Variants in KCNB2 observed in about 807,000 individuals in gnomAD.
The protein encoded by KCNB2 is delayed rectifier potassium channel protein.
KCNB2 carries 15 observed loss-of-function variants against 61.5 expected under a neutral mutation model. The ratio of observed to expected loss-of-function variants is 0.24; its 90% CI spans 0.16 to 0.38. The LOEUF (loss-of-function observed/expected upper bound fraction) is 0.38. Among genes scored for constraint, KCNB2 ranks in the 10% least tolerant of loss-of-function variants. The probability of loss-of-function intolerance (pLI) is 1.00; values close to 1 mark genes in which losing one functional copy is unlikely to be tolerated. For missense variants in KCNB2, 828 were observed against 1,125.2 expected, an observed-to-expected ratio of 0.74 and a Z score of 3.78; for synonymous variants, 457 against 446.0, an observed-to-expected ratio of 1.02 and a Z score of -0.31.
chr8:72,712,888 G>A (rs966807567), intron 2 of KCNB2, among the ~76,000 whole-genome samples: 2 of 152,206 alleles, frequency 1.3e-5, no homozygotes, highest in Middle Eastern at 3.2e-3. Flanking sequence ...GAAGTGCAAG[G>A]GGTCAGGGAA....
At chr8:72,562,607 T>C (rs1806555141) in intron 1 of KCNB2, among the ~76,000 whole-genome samples, 1 of 152,186 alleles carries the variant, frequency 6.6e-6, no homozygotes, top group South Asian at 2.1e-4. Flanking sequence ...GCCCTTGACA[T>C]GAAAACATGT....
chr8:72,647,380 G>A (rs1474715231), intron 2 of KCNB2, among the ~76,000 whole-genome samples: 1 of 151,932 alleles, frequency 6.6e-6, no homozygotes, highest in Non-Finnish European at 1.5e-5. Flanking sequence ...AAAAAAAATA[G>A]CATCTGTGAA....
intron 2 of KCNB2, among the ~76,000 whole-genome samples, chr8:72,678,473 A>G (rs1806698559): frequency 1.5e-5 from 2 of 133,492 alleles, no homozygotes; most frequent in Non-Finnish European, 1.5e-5. Context: ...CCTCCGCCCA[A>G]GCATTCTAGA....
chr8:72,831,461 T>G (rs917047138), intron 2 of KCNB2, among the ~76,000 whole-genome samples: 2 of 152,162 alleles, frequency 1.3e-5, no homozygotes, highest in Non-Finnish European at 2.9e-5. Flanking sequence ...GACTGTAGAT[T>G]GTTTGCAAAG....
At chr8:72,667,848 A>T (rs543711139) in intron 2 of KCNB2, among the ~76,000 whole-genome samples, 1 of 152,284 alleles carries the variant, frequency 6.6e-6, no homozygotes, top group East Asian at 1.9e-4. Context: ...GTTGCACTTA[A>T]AACGTAAACT....
chr8:72,650,768 C>T (rs1806199359), intron 2 of KCNB2, among the ~76,000 whole-genome samples: 1 of 152,122 alleles, frequency 6.6e-6, no homozygotes, highest in East Asian at 1.9e-4. Context: ...CAACATTTAT[C>T]ATGCTTTCTA....
At chr8:72,639,608 A>G (rs375675665) in intron 2 of KCNB2, among the ~76,000 whole-genome samples, 1 of 152,190 alleles carries the variant, frequency 6.6e-6, no homozygotes, top group African/African-American at 2.4e-5. Flanking sequence ...GTGCAGGGGT[A>G]CGAGGGAATC....
intron 2 of KCNB2, among the ~76,000 whole-genome samples, chr8:72,921,293 T>G (rs1428147610): frequency 1.3e-5 from 2 of 152,164 alleles, no homozygotes; most frequent in Non-Finnish European, 2.9e-5. Flanking sequence ...TCTACTTTTT[T>G]TAAAAAATGC....
At chr8:72,772,964 G>A (rs1479916456) in intron 2 of KCNB2, among the ~76,000 whole-genome samples, 2 of 152,248 alleles carry the variant, frequency 1.3e-5, no homozygotes, top group African/African-American at 2.4e-5. Context: ...CCTCTTGCTG[G>A]CTAGTCATTA....
At chr8:72,871,963 A>G (rs7836026) in intron 2 of KCNB2, among the ~76,000 whole-genome samples, 22,147 of 152,174 alleles carry the variant, frequency 0.15, 2,031 homozygotes, top group African/African-American at 0.26. Context: ...ATGCAAGTCC[A>G]TTACACCTTG....
chr8:72,916,601 G>A (rs181533129), intron 2 of KCNB2, among the ~76,000 whole-genome samples: 13 of 152,264 alleles, frequency 8.5e-5, no homozygotes, highest in South Asian at 2.1e-4. Context: ...TAGGTTCAGC[G>A]TGACAGCCTT....
intron 2 of KCNB2, among the ~76,000 whole-genome samples, chr8:72,604,085 GGCA>G (rs1481042073): frequency 6.6e-6 from 1 of 152,100 alleles, no homozygotes; most frequent in Non-Finnish European, 1.5e-5. Flanking sequence ...ACATTGTTAT[GGCA>G]GCCCTAAGAA....
intron 2 of KCNB2, among the ~76,000 whole-genome samples, chr8:72,898,447 AAAAG>A (rs1806027677): frequency 6.6e-6 from 1 of 152,106 alleles, no homozygotes; most frequent in African/African-American, 2.4e-5. Context: ...ATAATTTAAA[AAAAG>A]AAAAAAAAAC....
chr8:72,829,765 C>G (rs764814300), intron 2 of KCNB2, among the ~76,000 whole-genome samples: 3 of 152,012 alleles, frequency 2.0e-5, no homozygotes, highest in Non-Finnish European at 4.4e-5. Flanking sequence ...CTTTGTCAAC[C>G]CTTTTCTAGG....
intron 2 of KCNB2, among the ~76,000 whole-genome samples, chr8:72,864,839 A>G (rs565323656): frequency 6.6e-6 from 1 of 152,198 alleles, no homozygotes. Flanking sequence ...GCCAGGCTCT[A>G]TTAGAGCCCT....
intron 2 of KCNB2, among the ~76,000 whole-genome samples, chr8:72,859,436 G>A (rs1409537614): frequency 6.6e-6 from 1 of 151,976 alleles, no homozygotes; most frequent in Non-Finnish European, 1.5e-5. Context: ...ACAGAGGCCT[G>A]CATTCATCAC....
At position 72,817,567 on chromosome 8, in the gene KCNB2, A is replaced by AT. The variant is rs141633814; in HGVS notation, c.580-118367dup. The stretch of plus-strand genomic sequence containing the variant: ...TTCTCAACTTCTTTGAGGGTGACTG[A>AT]TCAGATTTCTAAGACCTTTGTTTTT... On this transcript the variant is annotated intron_variant, in intron 2 of 2. Transcript: ENST00000523207. Among the ~76,000 whole-genome samples the AT allele has an allele frequency of 4.7e-4, 71 of 152,322 alleles. 2 individuals carry two copies. In the East Asian group the frequency reaches 0.013, roughly 29 times the overall value.
intron 2 of KCNB2, among the ~76,000 whole-genome samples, chr8:72,605,748 T>C (rs1169033474): frequency 6.6e-6 from 1 of 152,290 alleles, no homozygotes; most frequent in Middle Eastern, 3.4e-3. Context: ...TGTCAAGATA[T>C]GTGGTTCAAT....
At chr8:72,791,481 C>G (rs934098860) in intron 2 of KCNB2, among the ~76,000 whole-genome samples, 42 of 152,200 alleles carry the variant, frequency 2.8e-4, no homozygotes, top group African/African-American at 9.9e-4. Context: ...CCTAATAGAT[C>G]AAGGCTGCAG....
Sources: allele counts gnomAD v4.1 joint callset (sites outside exome capture counted in the v4.1 genomes callset), GRCh38; gene constraint gnomAD v4.1.1; transcripts MANE v1.5; gene names NCBI Gene and HGNC (gene_info 2026-07-23, HGNC 2026-07-21).